Variants in CACNA2D3 observed in about 807,000 individuals in gnomAD.
The protein encoded by CACNA2D3 is calcium voltage-gated channel auxiliary subunit alpha2delta 3, also known as voltage-dependent calcium channel subunit alpha-2/delta-3.
A neutral mutation model predicts 160.6 loss-of-function variants in CACNA2D3; 60 were observed. The ratio of observed to expected loss-of-function variants is 0.37; its 90% CI spans 0.30 to 0.46. The LOEUF is 0.46. Among genes scored for constraint, CACNA2D3 ranks in the 20% least tolerant of loss-of-function variants. CACNA2D3 has a pLI of 1.00. For missense variants in CACNA2D3, 1,205 were observed against 1,365.0 expected (o/e 0.88, Z 1.85); for synonymous variants, 558 against 492.9 (o/e 1.13, Z -1.75).
At chr3:54,643,434 G>A (rs747457239) in intron 11 of CACNA2D3, among the ~76,000 whole-genome samples, 3 of 152,018 alleles carry the variant, frequency 2.0e-5, no homozygotes, top group Non-Finnish European at 4.4e-5. Context: ...TCCTTCCCCT[G>A]CTATCCAGTC....
intron 10 of CACNA2D3, among the ~76,000 whole-genome samples, chr3:54,635,597 C>T (rs896126738): frequency 3.3e-5 from 5 of 151,982 alleles, no homozygotes; most frequent in Admixed American, 1.3e-4. Flanking sequence ...TGGGCTGTAC[C>T]TTGTAGCATT....
intron 11 of CACNA2D3, among the ~76,000 whole-genome samples, chr3:54,685,294 T>C (rs868774794): frequency 6.6e-6 from 1 of 152,198 alleles, no homozygotes; most frequent in African/African-American, 2.4e-5. Context: ...CCAGATAGTG[T>C]TTTAGGCTTT....
chr3:54,458,081 G>A (rs1320912133), intron 4 of CACNA2D3, among the ~76,000 whole-genome samples: 1 of 151,946 alleles, frequency 6.6e-6, no homozygotes, highest in African/African-American at 2.4e-5. Context: ...TTACATTTAA[G>A]GTTATTATTT....
At chr3:54,932,230 T>C (rs1339899404) in intron 27 of CACNA2D3, among the ~76,000 whole-genome samples, 1 of 152,042 alleles carries the variant, frequency 6.6e-6, no homozygotes, top group Non-Finnish European at 1.5e-5. Flanking sequence ...AATATACCCA[T>C]CTGGGAGAAT....
intron 35 of CACNA2D3, among the ~76,000 whole-genome samples, chr3:55,023,512 T>G (rs1015359848): frequency 6.6e-6 from 1 of 152,182 alleles, no homozygotes. Flanking sequence ...TTTAAGATTG[T>G]TCTAATAGTT....
intron 11 of CACNA2D3, among the ~76,000 whole-genome samples, chr3:54,683,438 T>A (rs1700389419): frequency 6.6e-6 from 1 of 152,260 alleles, no homozygotes; most frequent in Non-Finnish European, 1.5e-5. Flanking sequence ...TGGAGTTCAA[T>A]GCACCAGCAT....
At chr3:54,636,705 G>A (rs1354261327) in intron 10 of CACNA2D3, among the ~76,000 whole-genome samples, 1 of 151,780 alleles carries the variant, frequency 6.6e-6, no homozygotes, top group African/African-American at 2.4e-5. Context: ...GAAAGGAGTT[G>A]TTGTTTTGTA....
chr3:55,012,943 C>T (rs1703241782), intron 34 of CACNA2D3, among the ~76,000 whole-genome samples: 1 of 152,200 alleles, frequency 6.6e-6, no homozygotes, highest in African/African-American at 2.4e-5. Flanking sequence ...AAAAGTGGTC[C>T]AATTTTTAGC....
intron 11 of CACNA2D3, among the ~76,000 whole-genome samples, chr3:54,729,578 GA>G (rs1701345480): frequency 6.6e-6 from 1 of 152,230 alleles, no homozygotes; most frequent in African/African-American, 2.4e-5. Context: ...AACTAGCACA[GA>G]AATGCCAGCT....
At chr3:54,822,730 TTTTCTTTCTTTCTTTCTTTCTTTCTTTC>T (rs61652736) in intron 14 of CACNA2D3, among the ~76,000 whole-genome samples, 1 of 104,704 alleles carries the variant, frequency 9.6e-6, no homozygotes, top group African/African-American at 3.5e-5. Context: ...TTCTTTTTTA[TTTTCTTTCTTTCTTTCTTTCTTTCTTTC>T]TTTCTTTCTT....
intron 11 of CACNA2D3, among the ~76,000 whole-genome samples, chr3:54,658,193 A>G (rs1035156743): frequency 5.9e-5 from 9 of 152,340 alleles, no homozygotes; most frequent in Middle Eastern, 6.8e-3. Context: ...CTTTGGACAT[A>G]TACCAAGAAG....
At chr3:54,447,905 A>G (rs1403854209) in intron 4 of CACNA2D3, among the ~76,000 whole-genome samples, 1 of 152,126 alleles carries the variant, frequency 6.6e-6, no homozygotes, top group Non-Finnish European at 1.5e-5. Context: ...ACTTTGGGAG[A>G]GAGTTCCAGA....
intron 3 of CACNA2D3, among the ~76,000 whole-genome samples, chr3:54,367,840 A>G (rs975857280): frequency 6.6e-6 from 1 of 152,172 alleles, no homozygotes; most frequent in Non-Finnish European, 1.5e-5. Flanking sequence ...GCCCCTGACC[A>G]AGAAACGTTT....
At chr3:54,867,577 A>C (rs1293947828) in intron 17 of CACNA2D3, among the ~76,000 whole-genome samples, 1 of 151,004 alleles carries the variant, frequency 6.6e-6, no homozygotes, top group Admixed American at 6.6e-5. Flanking sequence ...ATATGGAGAT[A>C]AAGTATTGAT....
intron 17 of CACNA2D3, among the ~76,000 whole-genome samples, chr3:54,856,962 G>A (rs546139779): frequency 6.6e-6 from 1 of 152,248 alleles, no homozygotes; most frequent in Non-Finnish European, 1.5e-5. Context: ...TTGTGTTTTA[G>A]TAGAAACAGG....
At chr3:54,816,927 C>T in intron 14 of CACNA2D3, 57 bp downstream of exon 14, 2 of 1,580,446 alleles carry the variant, frequency 1.3e-6, no homozygotes, top group Non-Finnish European at 1.7e-6. Context: ...TCATGCATGC[C>T]TCCATGGTGT....
At chr3:54,509,196 T>C (rs761754693) in intron 5 of CACNA2D3, among the ~76,000 whole-genome samples, 3 of 152,246 alleles carry the variant, frequency 2.0e-5, no homozygotes, top group Non-Finnish European at 4.4e-5. Context: ...TTCCAAGAGC[T>C]ATTTGATGTG....
At chr3:55,058,274 A>G (rs180724333) in intron 35 of CACNA2D3, among the ~76,000 whole-genome samples, 180 of 152,364 alleles carry the variant, frequency 1.2e-3, no homozygotes, top group Middle Eastern at 3.4e-3. Context: ...GCTACAAGAT[A>G]TATTATTCAG....
chr3:54,288,408 A>C (rs1406233222), intron 2 of CACNA2D3, among the ~76,000 whole-genome samples: 3 of 152,178 alleles, frequency 2.0e-5, no homozygotes, highest in Admixed American at 6.5e-5. Context: ...CAATAACAGG[A>C]TCTGAAATTG....
Sources: gnomAD v4.1 joint callset for allele counts (sites outside exome capture counted in the v4.1 genomes callset) on GRCh38, gnomAD v4.1.1 for gene constraint, MANE v1.5 for transcripts, NCBI Gene and HGNC (gene_info 2026-07-23, HGNC 2026-07-21) for gene names.